Variants in SCHIP1 observed in about 807,000 individuals in gnomAD.
The protein encoded by SCHIP1 is schwannomin-interacting protein 1.
Under a neutral mutation model 29.7 loss-of-function variants are expected in SCHIP1, and 8 were observed. The observed-to-expected ratio is 0.27, with a 90% CI of 0.16 to 0.49. The LOEUF is 0.49. SCHIP1 is among the 20% of genes least tolerant of loss of function. The pLI, the probability that SCHIP1 is intolerant of heterozygous loss-of-function variation, is 0.99. For synonymous variants in SCHIP1, 76 were observed against 94.9 expected (o/e 0.80, Z 1.16); for missense variants, 193 against 294.6 (o/e 0.66, Z 2.52).
chr3:159,683,527 C>G, the SCHIP1 span, among the ~76,000 whole-genome samples: 19 of 152,028 alleles, frequency 1.2e-4, no homozygotes, highest in Admixed American at 8.5e-4. Context: ...TGGCTCCTTT[C>G]GATCACCTCA....
upstream of SCHIP1, among the ~76,000 whole-genome samples, chr3:159,835,826 A>G (rs1448666927): frequency 6.6e-6 from 1 of 152,142 alleles, no homozygotes; most frequent in Non-Finnish European, 1.5e-5. Flanking sequence ...TGGCCTGAGG[A>G]TGTAACTTTT....
the SCHIP1 span, among the ~76,000 whole-genome samples, chr3:159,742,287 C>T: frequency 1.4e-4 from 22 of 152,182 alleles, no homozygotes; most frequent in African/African-American, 5.3e-4. Flanking sequence ...AATGCTGCCA[C>T]TGGGAGTTAT....
the SCHIP1 span, among the ~76,000 whole-genome samples, chr3:159,405,195 A>G: frequency 1.3e-5 from 2 of 152,166 alleles, no homozygotes; most frequent in African/African-American, 4.8e-5. Flanking sequence ...TCCAGACTGC[A>G]AAGACTACAG....
the SCHIP1 span, among the ~76,000 whole-genome samples, chr3:159,585,291 T>C: frequency 1.3e-5 from 2 of 152,124 alleles, no homozygotes; most frequent in African/African-American, 4.8e-5. Context: ...ACTAAGTAAT[T>C]ATTAAATCAG....
chr3:159,840,462 G>T (rs2109016959), intron 1 of SCHIP1, among the ~76,000 whole-genome samples: 1 of 152,286 alleles, frequency 6.6e-6, no homozygotes, highest in Admixed American at 6.5e-5. Flanking sequence ...TGCATATTTT[G>T]TACGTCTGCA....
At chr3:159,888,690 C>G (rs1006161055) in intron 4 of SCHIP1, 130 bp from the exon 6 acceptor site, 2 of 1,382,206 alleles carry the variant, frequency 1.4e-6, no homozygotes, top group South Asian at 1.5e-5. Flanking sequence ...AAGACACAGA[C>G]TGGGAAAGCT....
chr3:159,675,210 C>G, the SCHIP1 span, among the ~76,000 whole-genome samples: 1 of 152,168 alleles, frequency 6.6e-6, no homozygotes, highest in African/African-American at 2.4e-5. Flanking sequence ...GTCTGAAAGG[C>G]CTTTTAGTTT....
chr3:159,350,508 T>G, the SCHIP1 span, among the ~76,000 whole-genome samples: 1 of 152,182 alleles, frequency 6.6e-6, no homozygotes, highest in Non-Finnish European at 1.5e-5. Flanking sequence ...CTGTTTTAAT[T>G]AGAGATGATG....
chr3:159,441,504 G>A, the SCHIP1 span, among the ~76,000 whole-genome samples: 4 of 152,056 alleles, frequency 2.6e-5, no homozygotes, highest in Admixed American at 2.0e-4. Context: ...GGGGAAGGGG[G>A]AGGAGGAGAA....
chr3:159,336,260 G>T, the SCHIP1 span, among the ~76,000 whole-genome samples: 1 of 152,084 alleles, frequency 6.6e-6, no homozygotes, highest in Non-Finnish European at 1.5e-5. Context: ...TGTCAGATGA[G>T]TAGATTGCAA....
the SCHIP1 span, among the ~76,000 whole-genome samples, chr3:159,333,977 T>A: frequency 2.4e-4 from 37 of 152,196 alleles, no homozygotes; most frequent in South Asian, 7.1e-3. Flanking sequence ...AGATAATTAG[T>A]AGAAAAGAAA....
chr3:159,507,867 G>C, the SCHIP1 span, among the ~76,000 whole-genome samples: 78 of 152,266 alleles, frequency 5.1e-4, no homozygotes, highest in Non-Finnish European at 8.7e-4. Flanking sequence ...GATTCGGTTT[G>C]CCAGTATTTT....
the SCHIP1 span, among the ~76,000 whole-genome samples, chr3:159,702,285 G>A: frequency 1.3e-5 from 2 of 152,102 alleles, no homozygotes; most frequent in Non-Finnish European, 2.9e-5. Flanking sequence ...TGGAGATAAA[G>A]AAGAAATTCC....
chr3:159,784,809 A>G, the SCHIP1 span, among the ~76,000 whole-genome samples: 1 of 152,256 alleles, frequency 6.6e-6, no homozygotes, highest in East Asian at 1.9e-4. Context: ...GCGTGCCACC[A>G]TGCCCAGCTG....
the SCHIP1 span, among the ~76,000 whole-genome samples, chr3:159,799,819 T>C: frequency 9.2e-5 from 14 of 152,228 alleles, no homozygotes; most frequent in African/African-American, 3.4e-4. Context: ...ATTTGGACTT[T>C]ATCCTAAGAA....
chr3:159,535,488 C>G, the SCHIP1 span, among the ~76,000 whole-genome samples: 401 of 152,300 alleles, frequency 2.6e-3, 1 homozygote, highest in African/African-American at 9.0e-3. Flanking sequence ...TGGTTCTGCT[C>G]AAATGTGCCT....
chr3:159,874,513 C>T (rs767711523), intron 2 of SCHIP1, among the ~76,000 whole-genome samples: 6 of 152,134 alleles, frequency 3.9e-5, no homozygotes, highest in African/African-American at 7.2e-5. Flanking sequence ...TGGGGGGCAC[C>T]CTAACTGGGA....
chr3:159,542,437 AAT>A, the SCHIP1 span, among the ~76,000 whole-genome samples: 3 of 152,004 alleles, frequency 2.0e-5, no homozygotes, highest in African/African-American at 7.2e-5. Context: ...ATTTTCTATT[AAT>A]AGAGTTTTAT....
chr3:159,713,278 AAGAAAG>A, the SCHIP1 span, among the ~76,000 whole-genome samples: 1 of 151,590 alleles, frequency 6.6e-6, no homozygotes, highest in Non-Finnish European at 1.5e-5. Flanking sequence ...GAAAGAAAGA[AAGAAAG>A]AAAAAAGAAA....
Sources: allele counts gnomAD v4.1 joint callset (sites outside exome capture counted in the v4.1 genomes callset), GRCh38; gene constraint gnomAD v4.1.1; transcripts MANE v1.5; gene names NCBI Gene and HGNC (gene_info 2026-07-23, HGNC 2026-07-21).